Variants in ESRRG observed in about 807,000 individuals in gnomAD.
ESRRG encodes estrogen related receptor gamma, also known as estrogen-related receptor gamma.
ESRRG carries 13 observed loss-of-function variants against 44.0 expected under a neutral mutation model. The observed-to-expected ratio is 0.30, with a 90% confidence interval of 0.19 to 0.47. The LOEUF (loss-of-function observed/expected upper bound fraction) is 0.47, where lower values mean the gene tolerates loss of function less well. ESRRG is among the 20% of genes least tolerant of loss of function. The pLI is 1.00. For synonymous variants in ESRRG, 215 were observed against 214.6 expected (o/e 1.00, Z -0.02); for missense variants, 395 against 580.6 (o/e 0.68, Z 3.29).
chr1:217,128,063 T>C (rs1289281944), intron 1 of ESRRG, among the ~76,000 whole-genome samples: 1 of 152,102 alleles, frequency 6.6e-6, no homozygotes, highest in Non-Finnish European at 1.5e-5. Context: ...ACTTAGGCAG[T>C]ATCCAGGGGT....
At chr1:216,898,469 T>C (rs1242501150) in intron 2 of ESRRG, among the ~76,000 whole-genome samples, 7 of 151,870 alleles carry the variant, frequency 4.6e-5, no homozygotes, top group African/African-American at 9.7e-5. Flanking sequence ...AATACAAAAA[T>C]TAGCTGGGCG....
intron 3 of ESRRG, among the ~76,000 whole-genome samples, chr1:216,632,798 C>T (rs1400967143): frequency 2.0e-5 from 3 of 151,780 alleles, no homozygotes; most frequent in Non-Finnish European, 4.4e-5. Context: ...TGTATAAAGT[C>T]AATGCCCGAA....
At chr1:216,680,348 C>A (rs1160177390) in intron 1 of ESRRG, among the ~76,000 whole-genome samples, 1 of 152,182 alleles carries the variant, frequency 6.6e-6, no homozygotes, top group Non-Finnish European at 1.5e-5. Flanking sequence ...AGCTAGGAAG[C>A]AGTACAGCCT....
intron 2 of ESRRG, among the ~76,000 whole-genome samples, chr1:216,652,623 A>G (rs1313435511): frequency 1.3e-5 from 2 of 152,178 alleles, no homozygotes; most frequent in African/African-American, 2.4e-5. Flanking sequence ...TATTCATTGC[A>G]TCAACAGAAG....
chr1:216,573,313 C>A (rs1191061800), intron 3 of ESRRG, among the ~76,000 whole-genome samples: 1 of 151,900 alleles, frequency 6.6e-6, no homozygotes, highest in Non-Finnish European at 1.5e-5. Context: ...TGGTTCAATT[C>A]TTTGTCTGGC....
chr1:216,688,086 TATTATGAA>T lies in ESRRG; in HGVS notation c.57-10603_57-10596del, dbSNP rs535449798. ...AAAAGAAAAAAGAATCCCTGAGAGA[TATTATGAA>T]AATTCAGGCTGAATGAAAAAGTAAT... On this transcript the variant is annotated intron_variant, in intron 1 of 6. Transcript: ENST00000408911. 1.7e-3 allele frequency among the ~76,000 whole-genome samples: 260 copies of T among 152,200 alleles called. 2 individuals are homozygous for T. Among genetic ancestry groups the T allele is most frequent in the Admixed American group, 0.014 (207 of 15,294 alleles).
chr1:217,089,552 G>C (rs1050208164), exon 1 of ESRRG: 7 of 152,218 alleles, frequency 4.6e-5, no homozygotes, highest in African/African-American at 1.7e-4. Context: ...TGAGTCGTCG[G>C]GGATTTTAAA....
chr1:216,615,374 C>T (rs534145937), intron 3 of ESRRG, among the ~76,000 whole-genome samples: 213 of 152,300 alleles, frequency 1.4e-3, no homozygotes, highest in African/African-American at 4.9e-3. Flanking sequence ...TTTTCTACTA[C>T]GGAGCTCATT....
At chr1:216,603,311 C>T (rs2059488266) in intron 3 of ESRRG, among the ~76,000 whole-genome samples, 1 of 152,130 alleles carries the variant, frequency 6.6e-6, no homozygotes. Flanking sequence ...TTATCTCAGG[C>T]ATCCATTCTC....
At chr1:216,527,079 A>G (rs534354919) in intron 5 of ESRRG, among the ~76,000 whole-genome samples, 2 of 152,352 alleles carry the variant, frequency 1.3e-5, no homozygotes, top group East Asian at 3.9e-4. Context: ...AATGAATAAG[A>G]CATAATCCTT....
rs2057594691 is a variant in ESRRG at position 216,890,264 on chromosome 1, C to G, written c.-14+49318G>C. 3.3e-5 allele frequency among the ~76,000 whole-genome samples: 5 copies of G among 151,428 alleles called. No homozygotes were observed. The South Asian group carries it at 1.0e-3, about 32-fold the overall frequency. ...TGGGTGACAGAGTGAGACCCTGTCT[C>G]AAAAAAATAAAAATAAAAATAAATA... On this transcript the variant is annotated intron_variant, in intron 2 of 7. Transcript: ENST00000359162.
rs115321862 is a variant in ESRRG at position 216,962,397 on chromosome 1, G to C, written c.-105-22724C>G. 2.3e-3 allele frequency among the ~76,000 whole-genome samples: 353 copies of C among 152,240 alleles called. 3 individuals are homozygous for C. Among genetic ancestry groups the C allele is most frequent in the South Asian group, 0.02 (95 of 4,828 alleles). On this transcript the variant is annotated intron_variant, in intron 1 of 7. Coordinates refer to the ESRRG transcript ENST00000359162. ...AAGACAGGGCTTAGTGTAGCTAAGT[G>C]CCTAAAATTCCCTTGTCTGTGAATG...
chr1:217,039,352 T>G (rs973218543), intron 1 of ESRRG, among the ~76,000 whole-genome samples: 1 of 152,202 alleles, frequency 6.6e-6, no homozygotes, highest in Non-Finnish European at 1.5e-5. Flanking sequence ...CTGATAAATA[T>G]GTACCCGAGA....
intron 2 of ESRRG, among the ~76,000 whole-genome samples, chr1:216,729,421 G>A (rs2088247928): frequency 6.6e-6 from 1 of 152,170 alleles, no homozygotes; most frequent in Admixed American, 6.5e-5. Context: ...TGAACAGAGA[G>A]ATGCAAGAGA....
intron 3 of ESRRG, among the ~76,000 whole-genome samples, chr1:216,592,473 C>T (rs1446399095): frequency 2.0e-5 from 3 of 151,930 alleles, no homozygotes; most frequent in African/African-American, 7.3e-5. Flanking sequence ...ACTGACATTG[C>T]TACAATTTCA....
intron 2 of ESRRG, among the ~76,000 whole-genome samples, chr1:216,835,815 G>A (rs17044119): frequency 0.16 from 24,473 of 152,102 alleles, 2,170 homozygotes; most frequent in African/African-American, 0.21. Flanking sequence ...ATACACAGCC[G>A]TAATATTTAT....
chr1:216,557,609 C>A (rs964189306), intron 5 of ESRRG, among the ~76,000 whole-genome samples: 8 of 151,942 alleles, frequency 5.3e-5, no homozygotes, highest in African/African-American at 1.9e-4. Context: ...TTATAAGGGT[C>A]TTTTGTAAAC....
chr1:217,051,206 G>GGGGA (rs1553259223), intron 1 of ESRRG, among the ~76,000 whole-genome samples: 1 of 110,256 alleles, frequency 9.1e-6, no homozygotes, highest in African/African-American at 2.9e-5. Context: ...AATGGGGGCG[G>GGGGA]GGGGGGGGGG....
chr1:216,603,945 C>CAAAAAAAAAAAAAAAAAA (rs144012100), intron 3 of ESRRG, among the ~76,000 whole-genome samples: 2 of 127,346 alleles, frequency 1.6e-5, no homozygotes, highest in East Asian at 2.3e-4. Context: ...AACAAAAAAA[C>CAAAAAAAAAAAAAAAAAA]AAAAAAAAAA....
Sources: gnomAD v4.1 joint callset for allele counts (sites outside exome capture counted in the v4.1 genomes callset) on GRCh38, gnomAD v4.1.1 for gene constraint, MANE v1.5 for transcripts, NCBI Gene and HGNC (gene_info 2026-07-23, HGNC 2026-07-21) for gene names.